Variants in CFTR observed in about 807,000 individuals in gnomAD.
CFTR encodes cystic fibrosis transmembrane conductance regulator.
Under a neutral mutation model 171.6 loss-of-function variants are expected in CFTR, and 181 were observed. The ratio of observed to expected loss-of-function variants is 1.05; its 90% confidence interval spans 0.93 to 1.19. CFTR has a LOEUF of 1.19. CFTR is among the 50% of genes most tolerant of loss of function. The pLI is 0.00. For synonymous variants in CFTR, 583 were observed against 608.0 expected (o/e 0.96, Z 0.60); for missense variants, 1,968 against 1,734.7 (o/e 1.13, Z -2.39).
Position 117,652,838 on chromosome 7 carries a change from A to G in CFTR, c.3874-4A>G, listed in dbSNP as rs201381687. ...CTTTCTTCTTCTTTTCTTTTTTGCT[A>G]TAGAAAGTATTTATTTTTTCTGGAA... On this transcript the variant is annotated splice_polypyrimidine_tract_variant and splice_region_variant and intron_variant, in intron 23 of 26. Coordinates refer to ENST00000003084, the MANE Select transcript of CFTR (RefSeq NM_000492.4). 87 of 1,370,784 alleles carry G rather than the reference A, an allele frequency of 6.3e-5. No individual in the cohort carries two copies. The East Asian group carries it at 1.6e-3, about 25-fold the overall frequency. 84.9% of individuals were successfully genotyped at this position (1,370,784 alleles called of 1,614,324 possible).
At chr7:117,618,318 A>G (rs213983) in intron 21 of CFTR, among the ~76,000 whole-genome samples, 65,069 of 151,798 alleles carry the variant, frequency 0.43, 15,411 homozygotes, top group African/African-American at 0.64. Context: ...GTGAAACCCC[A>G]TCTCTCCTAA....
At chr7:117,579,470 T>C (rs184129724) in intron 11 of CFTR, among the ~76,000 whole-genome samples, 3 of 151,932 alleles carry the variant, frequency 2.0e-5, no homozygotes, top group Admixed American at 2.0e-4. Context: ...TATGTTATCT[T>C]TGGGATAACA....
chr7:117,648,531 G>A (rs559380081), intron 23 of CFTR, among the ~76,000 whole-genome samples: 20 of 152,136 alleles, frequency 1.3e-4, no homozygotes, highest in African/African-American at 4.3e-4. Context: ...TCAGATATTT[G>A]CACATCCTAA....
intron 11 of CFTR, among the ~76,000 whole-genome samples, chr7:117,578,665 T>G (rs1258476732): frequency 1.3e-5 from 2 of 152,128 alleles, no homozygotes; most frequent in African/African-American, 4.8e-5. Context: ...AACTCACATT[T>G]TATAGGCCAT....
chr7:117,523,648 A>AT (rs1422337383), intron 3 of CFTR, among the ~76,000 whole-genome samples: 1 of 152,154 alleles, frequency 6.6e-6, no homozygotes, highest in Non-Finnish European at 1.5e-5. Flanking sequence ...AAGTGCTGGG[A>AT]TTACAGGCGT....
chr7:117,504,366 A>G lies in CFTR; in HGVS notation c.164+3A>G, dbSNP rs1011735688. On this transcript the variant is annotated splice_donor_region_variant and intron_variant, in intron 2 of 26. Coordinates refer to ENST00000003084, the MANE Select transcript of CFTR (RefSeq NM_000492.4). ...AATCTATCTGAAAAATTGGAAAGGTATGTTCATGTACATTGTTTAGTTGAA... is the reference window on the plus strand; with the variant it reads ...AATCTATCTGAAAAATTGGAAAGGTGTGTTCATGTACATTGTTTAGTTGAA... The G allele has an allele frequency of 2.9e-6, 4 of 1,378,568 alleles. No homozygotes were observed. The highest frequency in any genetic ancestry group is 1.4e-5 in the African/African-American group (1 of 70,334). 85.4% of individuals were successfully genotyped at this position (1,378,568 alleles called of 1,614,324 possible).
At chr7:117,544,668 A>G (rs1799109639) in intron 9 of CFTR, among the ~76,000 whole-genome samples, 1 of 151,718 alleles carries the variant, frequency 6.6e-6, no homozygotes, top group Non-Finnish European at 1.5e-5. Flanking sequence ...TTGTCAACTG[A>G]CTCCTTCTCA....
chr7:117,557,008 G>GCT (rs1051464818), intron 10 of CFTR, among the ~76,000 whole-genome samples: 10 of 151,176 alleles, frequency 6.6e-5, no homozygotes, highest in Non-Finnish European at 1.5e-4. Context: ...ATTTTTCTTC[G>GCT]CTTTTTTGTT....
intron 24 of CFTR, among the ~76,000 whole-genome samples, chr7:117,664,180 C>T (rs1793330916): frequency 6.6e-6 from 1 of 152,128 alleles, no homozygotes; most frequent in Non-Finnish European, 1.5e-5. Context: ...TATCTTTTGT[C>T]CTCAGTCATG....
chr7:117,502,697 A>G (rs553009238), intron 1 of CFTR, among the ~76,000 whole-genome samples: 1 of 152,358 alleles, frequency 6.6e-6, no homozygotes, highest in South Asian at 2.1e-4. Context: ...TGCTGTATTC[A>G]GACTGGCCTC....
intron 3 of CFTR, among the ~76,000 whole-genome samples, chr7:117,510,815 C>G (rs1798506086): frequency 6.6e-6 from 1 of 152,004 alleles, no homozygotes; most frequent in Non-Finnish European, 1.5e-5. Flanking sequence ...TATTGAGTAC[C>G]TAATCTGTTC....
intron 22 of CFTR, among the ~76,000 whole-genome samples, chr7:117,632,654 G>A (rs1357539662): frequency 2.0e-5 from 3 of 152,148 alleles, no homozygotes; most frequent in East Asian, 1.9e-4. Flanking sequence ...AGTTGCAAAA[G>A]GTTAGGGAAT....
chr7:117,664,600 T>C, intron 24 of CFTR, 88 bp from the exon 25 acceptor site: 1 of 1,248,570 alleles, frequency 8.0e-7, no homozygotes, highest in African/African-American at 1.5e-5. Flanking sequence ...AAACATAAGC[T>C]TTCAGAACTC....
intron 10 of CFTR, among the ~76,000 whole-genome samples, chr7:117,549,041 A>G (rs1477649203): frequency 1.3e-5 from 2 of 152,212 alleles, no homozygotes; most frequent in Non-Finnish European, 2.9e-5. Context: ...TTTCTTCCAC[A>G]TCTTTATATT....
At chr7:117,624,489 A>G (rs937344551) in intron 21 of CFTR, among the ~76,000 whole-genome samples, 1 of 152,146 alleles carries the variant, frequency 6.6e-6, no homozygotes, top group Non-Finnish European at 1.5e-5. Flanking sequence ...TGTTCACTCT[A>G]CTGCTCCCAT....
chr7:117,515,445 G>A (rs750940707), intron 3 of CFTR, among the ~76,000 whole-genome samples: 15 of 152,036 alleles, frequency 9.9e-5, no homozygotes, highest in South Asian at 8.3e-4. Context: ...CAGATTTGTC[G>A]AAGATCAGAT....
At chr7:117,561,976 AAGTAG>A (rs1246439580) in intron 11 of CFTR, among the ~76,000 whole-genome samples, 1 of 152,154 alleles carries the variant, frequency 6.6e-6, no homozygotes, top group Non-Finnish European at 1.5e-5. Context: ...GCTGCCAATA[AAGTAG>A]AGTAAAGATT....
chr7:117,524,615 A>T (rs1461627754), intron 3 of CFTR, among the ~76,000 whole-genome samples: 1 of 152,142 alleles, frequency 6.6e-6, no homozygotes, highest in Non-Finnish European at 1.5e-5. Context: ...TTCCTAATTT[A>T]AAAAAGTTAT....
chr7:117,578,659 C>T (rs560547777), intron 11 of CFTR, among the ~76,000 whole-genome samples: 1 of 152,076 alleles, frequency 6.6e-6, no homozygotes, highest in Non-Finnish European at 1.5e-5. Context: ...AAATGAAACT[C>T]ACATTTTATA....
Sources: gnomAD v4.1 joint callset for allele counts (sites outside exome capture counted in the v4.1 genomes callset) on GRCh38, gnomAD v4.1.1 for gene constraint, MANE v1.5 for transcripts, NCBI Gene and HGNC (gene_info 2026-07-23, HGNC 2026-07-21) for gene names.